ADGRA1: variants seen among roughly 807,000 people sequenced by gnomAD.
ADGRA1 encodes the protein G-protein coupled receptor 123.
ADGRA1 carries 12 observed loss-of-function variants against 21.3 expected under a neutral mutation model. The observed-to-expected ratio is 0.56, with a 90% CI of 0.36 to 0.91. The LOEUF is 0.91. Ranked by LOEUF, ADGRA1 falls within the 40% of genes least tolerant of loss-of-function variation. ADGRA1 has a pLI of 0.01. For missense variants in ADGRA1, 790 were observed against 805.6 expected (o/e 0.98, Z 0.23); for synonymous variants, 385 against 368.8 (o/e 1.04, Z -0.50).
intron 2 of ADGRA1, 116 bp downstream of exon 2, chr10:133,089,028 G>A (rs1851554072): frequency 2.4e-6 from 3 of 1,234,374 alleles, no homozygotes; most frequent in African/African-American, 1.5e-5. Flanking sequence ...GCTGGTGACC[G>A]GGCTTCCGGG....
At chr10:133,115,947 C>T (rs1454742388) in intron 5 of ADGRA1, among the ~76,000 whole-genome samples, 1 of 152,166 alleles carries the variant, frequency 6.6e-6, no homozygotes, top group African/African-American at 2.4e-5. Context: ...CAGCAAGACC[C>T]TCTCCCTAAC....
intron 2 of ADGRA1, among the ~76,000 whole-genome samples, chr10:133,094,199 C>T (rs1170596798): frequency 2.6e-5 from 4 of 152,240 alleles, no homozygotes; most frequent in African/African-American, 7.2e-5. Flanking sequence ...GGAGCTTGGG[C>T]GGCCTCCTCC....
chr10:133,116,068 C>T (rs1852151587), intron 5 of ADGRA1, among the ~76,000 whole-genome samples: 1 of 151,624 alleles, frequency 6.6e-6, no homozygotes, highest in African/African-American at 2.4e-5. Flanking sequence ...CGGCTTCAGG[C>T]CAAGCCCAGG....
In ADGRA1 at chr10:133,106,957, G is replaced by A. The variant is rs148912544; in HGVS notation, c.401+4115G>A. On this transcript the variant is annotated intron_variant, in intron 5 of 6. Coordinates refer to ENST00000392607, the MANE Select transcript of ADGRA1 (RefSeq NM_001083909.3). ...AGCGTCACCGTTTCAACAGCACCAC[G>A]TCTTCCAATTCGTGAGCACAGGACG... is the stretch of plus-strand genomic sequence containing the variant. 4.8e-3 allele frequency among the ~76,000 whole-genome samples: 733 copies of A among 152,346 alleles called. 7 individuals are homozygous for A. The highest frequency in any genetic ancestry group is 0.017 in the African/African-American group (707 of 41,570).
At chr10:133,118,795 T>A (rs1852201481) in intron 5 of ADGRA1, among the ~76,000 whole-genome samples, 1 of 152,116 alleles carries the variant, frequency 6.6e-6, no homozygotes, top group Admixed American at 6.5e-5. Flanking sequence ...AACCAAAAAA[T>A]TTGTGTGACT....
At chr10:133,102,879 G>C in intron 5 of ADGRA1, 37 bp downstream of exon 5, 1 of 1,588,118 alleles carries the variant, frequency 6.3e-7, no homozygotes, top group Non-Finnish European at 8.6e-7. Flanking sequence ...CCCGCCACCT[G>C]GGCCCTGGAC....
intron 5 of ADGRA1, among the ~76,000 whole-genome samples, chr10:133,112,377 GGTTATTTGGGGTCTACGGGCCGCGTCC>G (rs1359486261): frequency 0.028 from 4,120 of 147,692 alleles, 166 homozygotes; most frequent in African/African-American, 0.082. Context: ...GGGCCGTGTC[GGTTATTTGGGGTCTACGGGCCGCGTCC>G]GTTATTTGGG....
intron 3 of ADGRA1, among the ~76,000 whole-genome samples, 183 bp from the exon 4 acceptor site, chr10:133,098,457 T>C (rs899577372): frequency 6.6e-6 from 1 of 152,092 alleles, no homozygotes; most frequent in African/African-American, 2.4e-5. Flanking sequence ...CCAGTGGCCG[T>C]CACTCAGGGC....
intron 2 of ADGRA1, among the ~76,000 whole-genome samples, chr10:133,089,797 C>A (rs1261227660): frequency 6.6e-6 from 1 of 152,250 alleles, no homozygotes; most frequent in Non-Finnish European, 1.5e-5. Context: ...TGCCAACATT[C>A]AGTATCGTCT....
intron 5 of ADGRA1, among the ~76,000 whole-genome samples, chr10:133,122,457 G>T (rs1309103845): frequency 2.0e-5 from 3 of 152,234 alleles, no homozygotes; most frequent in Non-Finnish European, 4.4e-5. Flanking sequence ...GGGGCTAATG[G>T]GCGAGGGGCT....
chr10:133,104,564 C>T (rs1851859561), intron 5 of ADGRA1, among the ~76,000 whole-genome samples: 1 of 152,164 alleles, frequency 6.6e-6, no homozygotes, highest in South Asian at 2.1e-4. Flanking sequence ...GGTGCCGAGG[C>T]GACTGCTTCC....
rs1852495745 is a variant in ADGRA1, at chr10:133,130,599, A to C, written c.*1088A>C. ...GGGTCATGGGTGTGAAACTGTGCAC[A>C]GCTTTCCCTCCCTCCCTCTTCCTCC... On this transcript the variant is annotated 3_prime_UTR_variant, in exon 7 of 7. Transcript: ENST00000392607. 6.6e-6 allele frequency: 1 copy of C among 152,160 alleles called. No homozygotes were observed. Among genetic ancestry groups the C allele is most frequent in the South Asian group, 2.1e-4 (1 of 4,836 alleles). 9.4% of individuals were successfully genotyped at this position (152,160 alleles called of 1,614,324 possible).
rs1001185995 is a variant in ADGRA1, at chr10:133,129,524, G to A, written c.*13G>A. ...AACTACTGTGTAGATGGGGGCAGAG[G>A]ACACGGTGTTCCTGGAGGAGCTTCA... On this transcript the variant is annotated 3_prime_UTR_variant, in exon 7 of 7. Coordinates refer to ENST00000392607, the MANE Select transcript of ADGRA1 (RefSeq NM_001083909.3). The A allele has an allele frequency of 1.9e-6, 3 of 1,569,728 alleles. No homozygotes were observed. The highest frequency in any genetic ancestry group is 2.6e-6 in the Non-Finnish European group (3 of 1,162,764).
intron 5 of ADGRA1, among the ~76,000 whole-genome samples, chr10:133,111,178 A>G (rs1430359842): frequency 0.012 from 243 of 19,450 alleles, 36 homozygotes; most frequent in South Asian, 0.025. Context: ...GCCCGCCGTG[A>G]GCACCTCCCT....
chr10:133,121,346 C>G (rs2902834), intron 5 of ADGRA1, among the ~76,000 whole-genome samples: 2,602 of 152,238 alleles, frequency 0.017, 88 homozygotes, highest in African/African-American at 0.059. Context: ...GTGTGAGTGC[C>G]TGTGTGTGTG....
chr10:133,101,415 G>A (rs977986978), intron 4 of ADGRA1, among the ~76,000 whole-genome samples: 64 of 152,310 alleles, frequency 4.2e-4, no homozygotes, highest in African/African-American at 1.5e-3. Flanking sequence ...CCGGCGGGGT[G>A]GGGCAGCCGT....
intron 1 of ADGRA1, 45 bp from the exon 2 acceptor site, chr10:133,088,663 G>C (rs934363215): frequency 8.5e-7 from 1 of 1,182,822 alleles, no homozygotes; most frequent in Non-Finnish European, 1.1e-6. Context: ...GCTGCCCTCC[G>C]CGGGGACCCT....
At chr10:133,099,018 C>T (rs774562178) in intron 4 of ADGRA1, among the ~76,000 whole-genome samples, 4 of 152,154 alleles carry the variant, frequency 2.6e-5, no homozygotes, top group East Asian at 3.9e-4. Context: ...GTGCACTGCC[C>T]GGGAACAGGG....
intron 2 of ADGRA1, among the ~76,000 whole-genome samples, chr10:133,094,359 G>A (rs1049898712): frequency 6.6e-6 from 1 of 152,246 alleles, no homozygotes; most frequent in African/African-American, 2.4e-5. Context: ...TGAGGATGGA[G>A]GCAGCGGGAC....
Sources: allele counts gnomAD v4.1 joint callset (sites outside exome capture counted in the v4.1 genomes callset), GRCh38; gene constraint gnomAD v4.1.1; transcripts MANE v1.5; gene names NCBI Gene and HGNC (gene_info 2026-07-23, HGNC 2026-07-21).